NCK1: variants seen among roughly 807,000 people sequenced by gnomAD.
NCK1 encodes the protein SH2/SH3 adapter protein NCK1.
NCK1 carries 19 observed loss-of-function variants against 36.6 expected under a neutral mutation model. The observed-to-expected ratio is 0.52, with a 90% confidence interval of 0.36 to 0.76. The LOEUF (loss-of-function observed/expected upper bound fraction) is 0.76. NCK1 is among the 30% of genes least tolerant of loss of function. The pLI is 0.00. For missense variants in NCK1, 358 were observed against 445.6 expected (o/e 0.80, Z 1.77); for synonymous variants, 165 against 156.0 (o/e 1.06, Z -0.43).
rs1261798875 is a variant in NCK1 at position 136,917,071 on chromosome 3, A to G, written c.-18-10913A>G. ...TTTATCAAATGTATTCATATGTAAT[A>G]TGTAAACATAGTATAAAATGTGGAG... On this transcript the variant is annotated intron_variant, in intron 1 of 3. Coordinates refer to ENST00000481752, the MANE Select transcript of NCK1 (RefSeq NM_001291999.2). Among the ~76,000 whole-genome samples the G allele has an allele frequency of 3.9e-5, 6 of 152,276 alleles. No homozygotes were observed. The East Asian group carries it at 1.2e-3, about 29-fold the overall frequency.
chr3:136,948,515 A>T lies in NCK1; in HGVS notation c.*62A>T. 2 of 1,431,016 alleles carry T rather than the reference A, an allele frequency of 1.4e-6. No homozygotes were observed. The highest frequency in any genetic ancestry group is 2.5e-5 in the South Asian group (2 of 78,628). 88.6% of individuals were successfully genotyped at this position (1,431,016 alleles called of 1,614,324 possible). On this transcript the variant is annotated 3_prime_UTR_variant, in exon 4 of 4. Transcript: ENST00000481752. ...TTTGTCATGTAATTGAAGACTGAGA[A>T]AATGTTGGGTCCAGTCGTGCTTGAT...
At chr3:136,895,675 G>A (rs1199685665) in intron 1 of NCK1, among the ~76,000 whole-genome samples, 1 of 151,876 alleles carries the variant, frequency 6.6e-6, no homozygotes, top group Non-Finnish European at 1.5e-5. Flanking sequence ...AGTGGTTCTT[G>A]TGCCACAGCC....
chr3:136,885,873 A>G (rs1174771994), intron 1 of NCK1, among the ~76,000 whole-genome samples: 1 of 152,204 alleles, frequency 6.6e-6, no homozygotes, highest in Non-Finnish European at 1.5e-5. Flanking sequence ...TTAGAATGTT[A>G]TAAAGTTGGA....
At chr3:136,863,344 A>G (rs754097336) in intron 1 of NCK1, among the ~76,000 whole-genome samples, 2 of 152,256 alleles carry the variant, frequency 1.3e-5, no homozygotes, top group African/African-American at 2.4e-5. Context: ...CGATTTCTTC[A>G]GCACCTGGAA....
chr3:136,864,946 T>A (rs1257150391), intron 1 of NCK1, among the ~76,000 whole-genome samples: 4 of 148,344 alleles, frequency 2.7e-5, no homozygotes, highest in Admixed American at 1.3e-4. Context: ...ATATATATAT[T>A]TTTCTTTTTC....
chr3:136,901,373 T>TA lies in NCK1; in HGVS notation c.-18-26611_-18-26610insA, dbSNP rs1338224095. The stretch of plus-strand genomic sequence containing the variant: ...CCTGTAGTTTTCTTTCTTTTTTTTT[T>TA]TAAATATTTTTTATTGCATCCTTGT... On this transcript the variant is annotated intron_variant, in intron 1 of 3. Transcript: ENST00000481752. Among the ~76,000 whole-genome samples, 221 of 150,862 alleles carry TA rather than the reference T, an allele frequency of 1.5e-3. 1 individual carries two copies. Among genetic ancestry groups the TA allele is most frequent in the Non-Finnish European group, 1.7e-3 (112 of 67,346 alleles).
intron 1 of NCK1, among the ~76,000 whole-genome samples, chr3:136,884,431 C>T (rs982752866): frequency 3.9e-5 from 6 of 152,032 alleles, no homozygotes; most frequent in Admixed American, 3.9e-4. Flanking sequence ...TAGAGTACAG[C>T]TTTGAGTTCT....
At chr3:136,895,154 C>T (rs549990641) in intron 1 of NCK1, among the ~76,000 whole-genome samples, 41 of 152,228 alleles carry the variant, frequency 2.7e-4, no homozygotes, top group Middle Eastern at 3.4e-3. Flanking sequence ...GGATTATAGG[C>T]ATGAGCCACT....
intron 1 of NCK1, among the ~76,000 whole-genome samples, chr3:136,909,833 C>T (rs1939787393): frequency 6.6e-6 from 1 of 152,100 alleles, no homozygotes; most frequent in African/African-American, 2.4e-5. Flanking sequence ...TAGTATCCTT[C>T]CTTGTCTCTT....
chr3:136,878,627 ACT>A (rs1423786252), intron 1 of NCK1, among the ~76,000 whole-genome samples: 3 of 152,014 alleles, frequency 2.0e-5, no homozygotes, highest in Non-Finnish European at 4.4e-5. Context: ...TAGTTGCACA[ACT>A]CTGAATAGAC....
At chr3:136,917,785 C>G (rs1940006509) in intron 1 of NCK1, among the ~76,000 whole-genome samples, 1 of 152,212 alleles carries the variant, frequency 6.6e-6, no homozygotes, top group South Asian at 2.1e-4. Flanking sequence ...AGTAAAATCT[C>G]TGCTTCCATG....
chr3:136,883,151 C>A (rs1207945833), intron 1 of NCK1, among the ~76,000 whole-genome samples: 1 of 152,202 alleles, frequency 6.6e-6, no homozygotes, highest in Middle Eastern at 3.4e-3. Context: ...GTACTACTGG[C>A]GTCATGTGAT....
chr3:136,924,345 T>C (rs1482350999), intron 1 of NCK1, among the ~76,000 whole-genome samples: 1 of 152,194 alleles, frequency 6.6e-6, no homozygotes. Context: ...CATGAAAATA[T>C]ACACTAGCCA....
intron 1 of NCK1, among the ~76,000 whole-genome samples, chr3:136,874,082 A>G (rs527940853): frequency 6.6e-6 from 1 of 152,340 alleles, no homozygotes; most frequent in Non-Finnish European, 1.5e-5. Context: ...CATTGGATGA[A>G]TATAATGTAA....
At chr3:136,891,486 C>T (rs2108089243) in intron 1 of NCK1, among the ~76,000 whole-genome samples, 1 of 152,278 alleles carries the variant, frequency 6.6e-6, no homozygotes, top group South Asian at 2.1e-4. Context: ...TGAATAATGC[C>T]AATATGAACA....
intron 1 of NCK1, among the ~76,000 whole-genome samples, chr3:136,889,700 A>G (rs1576955062): frequency 6.6e-6 from 1 of 151,914 alleles, no homozygotes; most frequent in South Asian, 2.1e-4. Flanking sequence ...CCACCTCCCC[A>G]CCAGATTAGC....
intron 1 of NCK1, among the ~76,000 whole-genome samples, chr3:136,875,953 C>T (rs1188746453): frequency 3.3e-5 from 5 of 152,170 alleles, no homozygotes; most frequent in Non-Finnish European, 1.5e-5. Context: ...AACAAACTAT[C>T]TCTCAGGCCA....
intron 1 of NCK1, among the ~76,000 whole-genome samples, chr3:136,895,522 A>G: frequency 6.6e-6 from 1 of 152,068 alleles, no homozygotes; most frequent in East Asian, 1.9e-4. Flanking sequence ...GTTCACTTTT[A>G]TAAACAGCTT....
Position 136,893,178 on chromosome 3 carries a change from G to GTGTA in NCK1, c.-19+30826_-19+30827insGTAT, listed in dbSNP as rs1249245313. On this transcript the variant is annotated intron_variant, in intron 1 of 3. Transcript: ENST00000481752. The stretch of plus-strand genomic sequence containing the variant: ...TGTGTGTGTGTGTGTGTGTGTGTGT[G>GTGTA]TATATATATATATACACACATGTGC... 1.4e-3 allele frequency among the ~76,000 whole-genome samples: 47 copies of GTGTA among 34,648 alleles called. 5 individuals carry two copies. The highest frequency in any genetic ancestry group is 4.4e-3 in the African/African-American group (45 of 10,130). The allele number at this position is 34,648 out of a possible 152,430, so 22.7% of individuals were successfully genotyped here. A position where few individuals can be genotyped will look rare whatever the true frequency, so the allele number is the denominator to read the frequency against.
Sources: allele counts gnomAD v4.1 joint callset (sites outside exome capture counted in the v4.1 genomes callset), GRCh38; gene constraint gnomAD v4.1.1; transcripts MANE v1.5; gene names NCBI Gene and HGNC (gene_info 2026-07-23, HGNC 2026-07-21).